CACNA2D4: variants seen among roughly 807,000 people sequenced by gnomAD.
The protein encoded by CACNA2D4 is voltage-dependent calcium channel subunit alpha-2/delta-4.
In CACNA2D4, 157 loss-of-function variants were observed where a neutral mutation model predicts 163.8. The observed-to-expected ratio is 0.96, with a 90% confidence interval of 0.84 to 1.09. The LOEUF (loss-of-function observed/expected upper bound fraction) is 1.09, where lower values mean the gene tolerates loss of function less well. CACNA2D4 is among the 50% of genes least tolerant of loss of function. The probability of loss-of-function intolerance (pLI) is 0.00; values close to 1 mark genes in which losing one functional copy is unlikely to be tolerated. For synonymous variants in CACNA2D4, 598 were observed against 586.9 expected (o/e 1.02, Z -0.27); for missense variants, 1,410 against 1,479.9 (o/e 0.95, Z 0.78).
At chr12:1,796,011 C>T (rs1034566348) in intron 35 of CACNA2D4, 6 of 567,434 alleles carry the variant, frequency 1.1e-5, no homozygotes, top group African/African-American at 3.8e-5. Context: ...AGACTGGAGA[C>T]AGTGAGGAAG....
At chr12:1,861,446 CTT>C (rs35442066) in intron 18 of CACNA2D4, among the ~76,000 whole-genome samples, 8 of 139,018 alleles carry the variant, frequency 5.8e-5, no homozygotes, top group Non-Finnish European at 4.6e-5. Flanking sequence ...TATTTTTACT[CTT>C]TTTTTTTTTT....
At chr12:1,831,036 C>G in intron 26 of CACNA2D4, 1 of 1,614,116 alleles carries the variant, frequency 6.2e-7, no homozygotes, top group Non-Finnish European at 8.5e-7. Context: ...CTGCAGTGGC[C>G]TTGGCCTCAC....
chr12:1,838,815 G>A (rs1036309417), intron 26 of CACNA2D4, among the ~76,000 whole-genome samples: 3 of 152,146 alleles, frequency 2.0e-5, no homozygotes, highest in Non-Finnish European at 2.9e-5. Context: ...CAGCACAGGC[G>A]CAGGCTTGGC....
At chr12:1,914,725 C>A in intron 2 of CACNA2D4, 129 bp downstream of exon 2, 1 of 662,616 alleles carries the variant, frequency 1.5e-6, no homozygotes, top group Non-Finnish European at 2.7e-6. Context: ...CCCTGGGCCT[C>A]AGTGGCCCCA....
At chr12:1,855,881 C>G in intron 22 of CACNA2D4, 131 bp downstream of exon 22, 1 of 674,302 alleles carries the variant, frequency 1.5e-6, no homozygotes, top group East Asian at 2.7e-5. Flanking sequence ...CCTGTTTGAT[C>G]TAAGCCATCC....
At position 1,902,597 on chromosome 12, in the gene CACNA2D4, A is replaced by G. The variant is rs192197971; in HGVS notation, c.781+4843T>C. ...CAAACAATCTGAAAAAGAAATCAAG[A>G]AAGTAATCCCATTTACAATAGCCAC... On this transcript the variant is annotated intron_variant, in intron 6 of 37. Transcript: ENST00000382722. Among the ~76,000 whole-genome samples the G allele has an allele frequency of 2.0e-3, 299 of 152,208 alleles. 1 individual carries two copies. The highest frequency in any genetic ancestry group is 2.9e-3 in the Non-Finnish European group (194 of 67,942).
chr12:1,903,521 G>A (rs988191832), intron 6 of CACNA2D4, among the ~76,000 whole-genome samples: 1 of 150,996 alleles, frequency 6.6e-6, no homozygotes, highest in South Asian at 2.1e-4. Context: ...TAACTCGGTG[G>A]GAAAAAAAAT....
intron 6 of CACNA2D4, among the ~76,000 whole-genome samples, chr12:1,905,391 A>T (rs1255666880): frequency 6.6e-6 from 1 of 152,152 alleles, no homozygotes; most frequent in Non-Finnish European, 1.5e-5. Flanking sequence ...AATAAATGAC[A>T]TTCAAACTGG....
intron 23 of CACNA2D4, among the ~76,000 whole-genome samples, chr12:1,847,134 G>A (rs1274167065): frequency 6.6e-6 from 1 of 152,186 alleles, no homozygotes; most frequent in Non-Finnish European, 1.5e-5. Context: ...GGGAGGGGGA[G>A]CAGGCACTGC....
chr12:1,882,838 C>T (rs777151309), intron 13 of CACNA2D4, 29 bp downstream of exon 13: 3 of 1,612,366 alleles, frequency 1.9e-6, no homozygotes, highest in South Asian at 1.1e-5. Flanking sequence ...AGGTGGGCTT[C>T]TCGAGCTGGG....
At position 1,802,317 on chromosome 12, in the gene CACNA2D4, G is replaced by C. The variant is rs1863366945; in HGVS notation, c.2722-673C>G. Among the ~76,000 whole-genome samples, 1 of 152,116 alleles carries C rather than the reference G, an allele frequency of 6.6e-6. No homozygotes were observed. Among genetic ancestry groups the C allele is most frequent in the Non-Finnish European group, 1.5e-5 (1 of 68,018 alleles). ...CCTCTCCTCTTGTCCCTGTGGCACT[G>C]CCAGAGTCATCTTACTCAAATGCAA... On this transcript the variant is annotated intron_variant, in intron 29 of 37. Coordinates refer to ENST00000382722, the MANE Select transcript of CACNA2D4 (RefSeq NM_172364.5). The surrounding 1 kb of genome is among the most constrained non-coding windows in gnomAD (Gnocchi z 4.7).
chr12:1,895,645 G>C (rs941555019), intron 6 of CACNA2D4, among the ~76,000 whole-genome samples: 1 of 152,038 alleles, frequency 6.6e-6, no homozygotes, highest in African/African-American at 2.4e-5. Flanking sequence ...TAATTAATTA[G>C]TTTTTAGAGG....
At chr12:1,832,563 T>A (rs1363690352) in intron 26 of CACNA2D4, among the ~76,000 whole-genome samples, 1 of 152,256 alleles carries the variant, frequency 6.6e-6, no homozygotes, top group East Asian at 1.9e-4. Flanking sequence ...TGTTAAAGTC[T>A]TACTACTTTC....
At chr12:1,886,440 G>A in intron 7 of CACNA2D4, 67 bp from the exon 8 acceptor site, 1 of 1,476,214 alleles carries the variant, frequency 6.8e-7, no homozygotes, top group East Asian at 2.3e-5. Flanking sequence ...TGACCAAGGG[G>A]TCTGCAGTTA....
At chr12:1,908,128 G>GTTTTTAATGAT in intron 4 of CACNA2D4, 91 bp from the exon 5 acceptor site, 1 of 1,343,924 alleles carries the variant, frequency 7.4e-7, no homozygotes. Flanking sequence ...GAGAGGACGA[G>GTTTTTAATGAT]AGGGCCGGGG....
chr12:1,886,133 C>T (rs1322207090), intron 8 of CACNA2D4, 90 bp downstream of exon 8: 23 of 1,542,734 alleles, frequency 1.5e-5, no homozygotes, highest in African/African-American at 8.2e-5. Context: ...TGCAGGTCAC[C>T]GGGTGGTCAG....
Position 1,878,963 on chromosome 12 carries a change from C to G in CACNA2D4, c.1637G>C (p.Arg546Pro). The change falls in exon 15 of 38, where the codon CGG becomes CCG. Residue 546 changes from arginine to proline, a missense_variant. Transcript: ENST00000382722. The surrounding 1 kb of genome is among the most constrained non-coding windows in gnomAD (Gnocchi z 4.6). ...ALRELMKLAPRYKLGVHGYAF... is the reference protein window; with the variant it reads ...ALRELMKLAPPYKLGVHGYAF... ...GAACAGACCCAGGCTCACCTTGTAC[C>G]GGGGCGCCAGCTTCATCAGCTCTCT... 6.2e-7 allele frequency: 1 copy of G among 1,613,556 alleles called. No individual in the cohort carries two copies. The highest frequency in any genetic ancestry group is 8.5e-7 in the Non-Finnish European group (1 of 1,179,622).
chr12:1,860,213 G>A lies in CACNA2D4; in HGVS notation c.1879-7C>T. The A allele has an allele frequency of 3.1e-6, 5 of 1,612,464 alleles. No homozygotes were observed. The highest frequency in any genetic ancestry group is 4.2e-6 in the Non-Finnish European group (5 of 1,178,924). On this transcript the variant is annotated splice_polypyrimidine_tract_variant and splice_region_variant and intron_variant, in intron 18 of 37. Transcript: ENST00000382722. Reference sequence around the variant, plus strand: ...TCAGGAAAAGAACTCGCTTCTGAAAGAGTAGACAAGGAAAGAGTGCTCACG... The same window carrying A: ...TCAGGAAAAGAACTCGCTTCTGAAAAAGTAGACAAGGAAAGAGTGCTCACG...
rs549820494 is a variant in CACNA2D4, at chr12:1,792,658, G to A, written c.*997C>T. ...GCTGCGGGGCCTTGGGACCCTGGGG[G>A]AGATGTGTGTGCGCTGGGGGTGAGT... is the stretch of plus-strand genomic sequence containing the variant. On this transcript the variant is annotated 3_prime_UTR_variant, in exon 38 of 38. Transcript: ENST00000382722. 6.6e-6 allele frequency: 1 copy of A among 152,256 alleles called. No homozygotes were observed. The highest frequency in any genetic ancestry group is 2.1e-4 in the South Asian group (1 of 4,822). The allele number at this position is 152,256 out of a possible 1,614,324, so 9.4% of individuals were successfully genotyped here.
Sources: allele counts gnomAD v4.1 joint callset (sites outside exome capture counted in the v4.1 genomes callset), GRCh38; gene constraint gnomAD v4.1.1; non-coding constraint Gnocchi (gnomAD v3.1); transcripts MANE v1.5; gene names NCBI Gene and HGNC (gene_info 2026-07-23, HGNC 2026-07-21).